Variants in CBLB observed in about 807,000 individuals in gnomAD.
CBLB encodes E3 ubiquitin-protein ligase CBL-B.
A neutral mutation model predicts 104.9 loss-of-function variants in CBLB; 31 were observed. The observed-to-expected ratio is 0.30, with a 90% CI of 0.22 to 0.40. The LOEUF is 0.40. Among genes scored for constraint, CBLB ranks in the 10% least tolerant of loss-of-function variants. The probability of loss-of-function intolerance (pLI) is 1.00; values close to 1 mark genes in which losing one functional copy is unlikely to be tolerated. For missense variants in CBLB, 1,062 were observed against 1,214.6 expected (o/e 0.87, Z 1.87); for synonymous variants, 440 against 422.6 (o/e 1.04, Z -0.51).
chr3:105,675,245 GAAAA>G, intron 17 of CBLB, among the ~76,000 whole-genome samples: 1 of 152,108 alleles, frequency 6.6e-6, no homozygotes, highest in Non-Finnish European at 1.5e-5. Flanking sequence ...ACTGAACAAC[GAAAA>G]CAACGGTAAA....
At chr3:105,709,534 T>C (rs560416986) in intron 10 of CBLB, among the ~76,000 whole-genome samples, 6 of 151,906 alleles carry the variant, frequency 3.9e-5, no homozygotes, top group African/African-American at 7.2e-5. Context: ...ACATACACAA[T>C]GTTAAGTCTA....
At chr3:105,712,371 G>A (rs7646159) in intron 10 of CBLB, among the ~76,000 whole-genome samples, 84,769 of 151,804 alleles carry the variant, frequency 0.56, 24,530 homozygotes, top group Middle Eastern at 0.68. Flanking sequence ...CCTTTGGTTC[G>A]CTCAGCTGCA....
chr3:105,740,256 G>A (rs1049526661), intron 7 of CBLB, among the ~76,000 whole-genome samples: 1 of 152,090 alleles, frequency 6.6e-6, no homozygotes, highest in Non-Finnish European at 1.5e-5. Context: ...TCATATGAAA[G>A]ATAAAAATTC....
intron 3 of CBLB, among the ~76,000 whole-genome samples, chr3:105,820,140 T>G (rs2085631373): frequency 1.3e-5 from 2 of 152,166 alleles, no homozygotes; most frequent in South Asian, 4.1e-4. Flanking sequence ...TAGATTCTCT[T>G]AAGGACAGCA....
intron 4 of CBLB, among the ~76,000 whole-genome samples, chr3:105,770,244 G>C (rs976903667): frequency 5.3e-5 from 8 of 152,062 alleles, no homozygotes; most frequent in African/African-American, 1.9e-4. Context: ...GAAAGAATTG[G>C]GAGGCTATAG....
chr3:105,675,876 C>A (rs1308683863), intron 17 of CBLB, among the ~76,000 whole-genome samples: 1 of 119,758 alleles, frequency 8.4e-6, no homozygotes, highest in East Asian at 2.3e-4. Flanking sequence ...CAGAGTGAGA[C>A]CCTGTCTCAA....
At chr3:105,749,846 G>C (rs950051008) in intron 5 of CBLB, 2 of 195,452 alleles carry the variant, frequency 1.0e-5, no homozygotes, top group Non-Finnish European at 2.2e-5. Context: ...TAAAATCTTT[G>C]AAAAAAACAT....
chr3:105,816,298 T>C (rs1266436439), intron 3 of CBLB, among the ~76,000 whole-genome samples: 1 of 152,210 alleles, frequency 6.6e-6, no homozygotes, highest in Non-Finnish European at 1.5e-5. Flanking sequence ...TTGACTGCCC[T>C]TATTAATTTT....
At chr3:105,735,250 T>C (rs1453073015) in intron 8 of CBLB, among the ~76,000 whole-genome samples, 1 of 152,194 alleles carries the variant, frequency 6.6e-6, no homozygotes, top group African/African-American at 2.4e-5. Context: ...CTGTGTCTAT[T>C]ATGATGTGTG....
intron 4 of CBLB, among the ~76,000 whole-genome samples, chr3:105,755,173 C>T (rs995808640): frequency 1.3e-5 from 2 of 151,994 alleles, no homozygotes; most frequent in Non-Finnish European, 2.9e-5. Flanking sequence ...TGCTATCTCT[C>T]CCCCCTCCCC....
chr3:105,729,455 C>A (rs939533004), intron 9 of CBLB, among the ~76,000 whole-genome samples: 3 of 152,038 alleles, frequency 2.0e-5, no homozygotes, highest in African/African-American at 7.2e-5. Flanking sequence ...AGCAAAATAA[C>A]AAATTCTTCC....
intron 3 of CBLB, among the ~76,000 whole-genome samples, chr3:105,785,801 T>C (rs1229446164): frequency 6.6e-6 from 1 of 152,192 alleles, no homozygotes; most frequent in Non-Finnish European, 1.5e-5. Flanking sequence ...ATTATCTTTA[T>C]TCAGTATGTG....
intron 3 of CBLB, among the ~76,000 whole-genome samples, chr3:105,837,006 T>G (rs547932437): frequency 1.3e-5 from 2 of 150,320 alleles, no homozygotes; most frequent in African/African-American, 4.9e-5. Context: ...GAATATTAGA[T>G]CCAACCCTCC....
At chr3:105,802,479 A>G (rs1234680521) in intron 3 of CBLB, among the ~76,000 whole-genome samples, 1 of 152,250 alleles carries the variant, frequency 6.6e-6, no homozygotes, top group Non-Finnish European at 1.5e-5. Flanking sequence ...AGAAAGTTGC[A>G]TGGGTGCCAA....
chr3:105,869,048 G>C (rs1706714784), upstream of CBLB: 2 of 1,054,110 alleles, frequency 1.9e-6, no homozygotes, highest in Non-Finnish European at 2.3e-6. Flanking sequence ...ACCCAGGCTC[G>C]GGGCGGGGCG....
intron 9 of CBLB, among the ~76,000 whole-genome samples, chr3:105,729,236 C>T (rs1057472215): frequency 4.6e-5 from 7 of 152,178 alleles, no homozygotes; most frequent in African/African-American, 1.7e-4. Context: ...TTATTAACAC[C>T]ATGCCCCTTA....
intron 9 of CBLB, among the ~76,000 whole-genome samples, chr3:105,722,504 C>T (rs1055081985): frequency 2.0e-5 from 3 of 152,130 alleles, no homozygotes; most frequent in African/African-American, 7.2e-5. Context: ...TCCTACACAT[C>T]ATATAAATTC....
chr3:105,837,792 G>A lies in CBLB; in HGVS notation c.419+15622C>T, dbSNP rs141273994. Among the ~76,000 whole-genome samples, 145 of 152,158 alleles carry A rather than the reference G, an allele frequency of 9.5e-4. 1 individual carries two copies. The highest frequency in any genetic ancestry group is 2.8e-3 in the Admixed American group (43 of 15,294). On this transcript the variant is annotated intron_variant, in intron 3 of 18. Coordinates refer to ENST00000394030, the MANE Select transcript of CBLB (RefSeq NM_170662.5). ...ATTTTCTTTTCTTCTAAAATCGCCA[G>A]TACTCATTCCCAAATGTGAAGAAGC...
chr3:105,749,782 G>A, intron 5 of CBLB: 1 of 285,928 alleles, frequency 3.5e-6, no homozygotes, highest in South Asian at 3.0e-5. Flanking sequence ...AGAAAGGAGA[G>A]GTTCCATTAT....
Sources: gnomAD v4.1 joint callset for allele counts (sites outside exome capture counted in the v4.1 genomes callset) on GRCh38, gnomAD v4.1.1 for gene constraint, MANE v1.5 for transcripts, NCBI Gene and HGNC (gene_info 2026-07-23, HGNC 2026-07-21) for gene names.